The following ZNF430 variants were observed in gnomAD, a reference collection of about 807,000 sequenced individuals.
The protein encoded by ZNF430 is zinc finger protein 430.
In ZNF430, 35 loss-of-function variants were observed where a neutral mutation model predicts 56.7. The ratio of observed to expected loss-of-function variants is 0.62; its 90% CI spans 0.47 to 0.82. ZNF430 has a LOEUF of 0.82. Ranked by LOEUF, ZNF430 falls within the 40% of genes least tolerant of loss-of-function variation. ZNF430 has a pLI of 0.00. For missense variants in ZNF430, 574 were observed against 661.0 expected (o/e 0.87, Z 1.44); for synonymous variants, 212 against 224.3 (o/e 0.94, Z 0.49).
chr19:21,058,067 TAAG>T lies in ZNF430; in HGVS notation c.*49_*51del. On this transcript the variant is annotated 3_prime_UTR_variant, in exon 5 of 5. Transcript: ENST00000261560. The stretch of plus-strand genomic sequence containing the variant: ...ACCCGTCCTGAATTCTTACTAAACA[TAAG>T]AACATTCATACTGAAGAGGAACCCT... 1 of 1,542,194 alleles carries T rather than the reference TAAG, an allele frequency of 6.5e-7. No individual in the cohort carries two copies. The highest frequency in any genetic ancestry group is 1.9e-5 in the Admixed American group (1 of 51,648).
At chr19:21,029,699 G>T (rs1967865925) in intron 2 of ZNF430, among the ~76,000 whole-genome samples, 1 of 152,114 alleles carries the variant, frequency 6.6e-6, no homozygotes, top group Admixed American at 6.6e-5. Context: ...GGGTGTGGTG[G>T]CTCACACCTG....
chr19:21,049,549 G>A (rs8100186), intron 4 of ZNF430: 78,671 of 151,718 alleles, frequency 0.52, 23,773 homozygotes, highest in East Asian at 0.74. Flanking sequence ...GGTCTCAAGA[G>A]ATCTGACTGC....
intron 4 of ZNF430, among the ~76,000 whole-genome samples, chr19:21,054,128 A>G (rs937070301): frequency 2.0e-5 from 3 of 152,092 alleles, no homozygotes; most frequent in African/African-American, 7.2e-5. Flanking sequence ...AATGATTTCT[A>G]TGCTTTTAAC....
At chr19:21,037,695 A>G (rs950904822) in intron 4 of ZNF430, among the ~76,000 whole-genome samples, 1 of 152,190 alleles carries the variant, frequency 6.6e-6, no homozygotes, top group Non-Finnish European at 1.5e-5. Flanking sequence ...TTTTCTACCA[A>G]CAATTGACAT....
Position 21,057,481 on chromosome 19 carries a change from T to A in ZNF430, c.1173T>A (p.His391Gln). The A allele has an allele frequency of 6.2e-7, 1 of 1,613,592 alleles. No individual in the cohort carries two copies. Among genetic ancestry groups the A allele is most frequent in the South Asian group, 1.1e-5 (1 of 91,074 alleles). The change falls in exon 5 of 5, where the codon CAT becomes CAA. Residue 391 changes from histidine to glutamine, a missense_variant. Physicochemically the swap from His to Gln is conservative, Grantham distance 24. Transcript: ENST00000261560. ...ACCGATTCTCATACCTTACTAAACA[T>A]AAGATAATTCATACTGGAGAGAAAT... is the stretch of plus-strand genomic sequence containing the variant. ...AFYRFSYLTKHKIIHTGEKFY... is the reference protein window; with the variant it reads ...AFYRFSYLTKQKIIHTGEKFY...
At chr19:21,050,856 T>C (rs10416383) in intron 4 of ZNF430, among the ~76,000 whole-genome samples, 46,279 of 151,772 alleles carry the variant, frequency 0.3, 7,465 homozygotes, top group African/African-American at 0.4. Context: ...GGTGAAACCC[T>C]GTCTCTACTA....
chr19:21,036,979 T>C (rs1968010921), intron 4 of ZNF430, among the ~76,000 whole-genome samples: 1 of 152,138 alleles, frequency 6.6e-6, no homozygotes, highest in Non-Finnish European at 1.5e-5. Context: ...CCTTCCACTT[T>C]CTGTTTTTAT....
rs1375925181 is a variant in ZNF430 at position 21,034,149 on chromosome 19, A to G, written c.287A>G (p.Asn96Ser). The change falls in exon 4 of 5, where the codon AAT becomes AGT. Residue 96 changes from asparagine (N) to serine (S), a missense_variant. Coordinates refer to ENST00000261560, the MANE Select transcript of ZNF430 (RefSeq NM_025189.4). The part of the protein sequence containing the change: ...TCLEQGKEPW[N>S]MKRHAMVDQP... ...CTAGAGCAAGGAAAAGAGCCCTGGA[A>G]TATGAAGAGACATGCGATGGTAGAT... The G allele has an allele frequency of 1.2e-6, 2 of 1,613,528 alleles. No homozygotes were observed. Among genetic ancestry groups the G allele is most frequent in the South Asian group, 2.2e-5 (2 of 90,988 alleles).
At chr19:21,036,953 A>T (rs1451024650) in intron 4 of ZNF430, among the ~76,000 whole-genome samples, 1 of 152,134 alleles carries the variant, frequency 6.6e-6, no homozygotes. Context: ...CCCTCTTTCC[A>T]GCCCTTGACA....
rs1968408696 is a variant in ZNF430 at position 21,057,841 on chromosome 19, A to G, written c.1533A>G (p.Thr511=). The part of the protein sequence containing the change: ...TKHKITHIGD[T]SYKYLECDKA... ...ATAAGATAACTCATATTGGAGATAC[A>G]TCTTACAAATACCTAGAATGTGATA... The change falls in exon 5 of 5, where the codon ACA becomes ACG. Residue 511 remains threonine (T), a synonymous_variant. Coordinates refer to ENST00000261560, the MANE Select transcript of ZNF430 (RefSeq NM_025189.4). 5.0e-6 allele frequency: 8 copies of G among 1,614,064 alleles called. No individual in the cohort carries two copies. The highest frequency in any genetic ancestry group is 1.1e-5 in the South Asian group (1 of 91,082).
chr19:21,042,298 T>C (rs1410143748), intron 4 of ZNF430, among the ~76,000 whole-genome samples: 1 of 152,192 alleles, frequency 6.6e-6, no homozygotes, highest in Non-Finnish European at 1.5e-5. Flanking sequence ...TATAACAGAA[T>C]TATTTATATT....
At chr19:21,042,785 TA>T (rs543858514) in intron 4 of ZNF430, among the ~76,000 whole-genome samples, 569 of 141,510 alleles carry the variant, frequency 4.0e-3, no homozygotes, top group Middle Eastern at 7.4e-3. Flanking sequence ...AGACTCCATC[TA>T]AAAAAAAAAA....
At chr19:21,049,881 G>A (rs1039990377) in intron 4 of ZNF430, among the ~76,000 whole-genome samples, 7 of 149,880 alleles carry the variant, frequency 4.7e-5, no homozygotes, top group Non-Finnish European at 7.4e-5. Flanking sequence ...CTCAGCTTTC[G>A]TTTTCTTTAA....
chr19:21,058,995 T>A lies in ZNF430; in HGVS notation c.*974T>A, dbSNP rs981375117. The A allele has an allele frequency of 2.0e-5, 3 of 152,200 alleles. No individual in the cohort carries two copies. Among genetic ancestry groups the A allele is most frequent in the African/African-American group, 7.2e-5 (3 of 41,440 alleles). 9.4% of individuals were successfully genotyped at this position (152,200 alleles called of 1,614,324 possible). On this transcript the variant is annotated 3_prime_UTR_variant, in exon 5 of 5. Coordinates refer to ENST00000261560, the MANE Select transcript of ZNF430 (RefSeq NM_025189.4). ...AAACTCTGAAGTAGTTGCTCAAACT[T>A]TGTTCAACATCAGGGAATTTATATT...
intron 4 of ZNF430, among the ~76,000 whole-genome samples, chr19:21,049,190 A>AG (rs1968237996): frequency 1.3e-5 from 2 of 150,438 alleles, no homozygotes; most frequent in South Asian, 2.1e-4. Context: ...AAAAAAAAAA[A>AG]AAAAAAAGTA....
At chr19:21,024,183 A>G (rs10424613) in intron 2 of ZNF430, among the ~76,000 whole-genome samples, 7,431 of 152,168 alleles carry the variant, frequency 0.049, 588 homozygotes, top group African/African-American at 0.17. Flanking sequence ...TGCTCACTCT[A>G]GCTGTGGAAG....
At position 21,025,600 on chromosome 19, in the gene ZNF430, T is replaced by C. The variant is rs144443015; in HGVS notation, c.96+2719T>C. 6.9e-3 allele frequency among the ~76,000 whole-genome samples: 1,057 copies of C among 152,140 alleles called. 13 individuals are homozygous for C. The highest frequency in any genetic ancestry group is 0.023 in the African/African-American group (964 of 41,494). On this transcript the variant is annotated intron_variant, in intron 2 of 4. Transcript: ENST00000261560. The stretch of plus-strand genomic sequence containing the variant: ...CCTCTGACATTTCTCCTTTTTTTTT[T>C]ATCTGAGACGGAGTCTCACTCTGTT...
intron 2 of ZNF430, among the ~76,000 whole-genome samples, chr19:21,024,660 G>A (rs949565658): frequency 6.6e-6 from 1 of 151,932 alleles, no homozygotes; most frequent in African/African-American, 2.4e-5. Context: ...GGCGCCTGTA[G>A]TCCCAGCTAC....
chr19:21,022,360 A>AAT (rs1206067507), intron 1 of ZNF430, among the ~76,000 whole-genome samples: 1 of 152,148 alleles, frequency 6.6e-6, no homozygotes, highest in Non-Finnish European at 1.5e-5. Flanking sequence ...GGCGTTCCCA[A>AAT]ATGCCAACTT....
Sources: gnomAD v4.1 joint callset for allele counts (sites outside exome capture counted in the v4.1 genomes callset) on GRCh38, gnomAD v4.1.1 for gene constraint, MANE v1.5 for transcripts, NCBI Gene and HGNC (gene_info 2026-07-23, HGNC 2026-07-21) for gene names.